The following DRC8 variants were observed in gnomAD, a reference collection of about 807,000 sequenced individuals.
The protein encoded by DRC8 is dynein regulatory complex protein 8.
chr1:244,993,209 G>A, the DRC8 span, among the ~76,000 whole-genome samples: 112,158 of 152,112 alleles, frequency 0.74, 42,762 homozygotes, highest in East Asian at 1. Context: ...TGGTGACTGC[G>A]CAGTGGTATA....
At chr1:245,012,307 A>AGAC in the DRC8 span, among the ~76,000 whole-genome samples, 29 of 151,944 alleles carry the variant, frequency 1.9e-4, no homozygotes, top group African/African-American at 6.8e-4. Flanking sequence ...TATTGGTAAA[A>AGAC]GACTAGTGTT....
At chr1:245,019,711 G>A in the DRC8 span, among the ~76,000 whole-genome samples, 1 of 152,136 alleles carries the variant, frequency 6.6e-6, no homozygotes, top group Non-Finnish European at 1.5e-5. Flanking sequence ...GGGAGGCCAA[G>A]GTGGGTGGCT....
chr1:244,972,809 C>T, the DRC8 span, among the ~76,000 whole-genome samples: 3,511 of 149,548 alleles, frequency 0.023, 72 homozygotes, highest in Non-Finnish European at 0.032. Flanking sequence ...GAGTAAGACT[C>T]CGTCTCAAAA....
chr1:244,977,159 A>C, the DRC8 span, among the ~76,000 whole-genome samples: 1 of 152,178 alleles, frequency 6.6e-6, no homozygotes, highest in Non-Finnish European at 1.5e-5. Flanking sequence ...AAGTTGTTTA[A>C]GGAGTGTAGA....
the DRC8 span, among the ~76,000 whole-genome samples, chr1:245,053,962 C>T: frequency 6.6e-6 from 1 of 152,150 alleles, no homozygotes; most frequent in Non-Finnish European, 1.5e-5. Context: ...AAGGCCCTCC[C>T]ACCCTCTCAG....
the DRC8 span, among the ~76,000 whole-genome samples, chr1:244,984,176 T>C: frequency 6.6e-6 from 1 of 152,140 alleles, no homozygotes; most frequent in Non-Finnish European, 1.5e-5. Flanking sequence ...TGGGTCTTCC[T>C]AGTTACAGAG....
the DRC8 span, chr1:245,087,433 T>C: frequency 3.3e-6 from 5 of 1,494,772 alleles, no homozygotes; most frequent in Admixed American, 1.1e-4. Flanking sequence ...TCACATCTTA[T>C]CTTAGGATTC....
At chr1:245,110,714 T>C in the DRC8 span, among the ~76,000 whole-genome samples, 1 of 152,270 alleles carries the variant, frequency 6.6e-6, no homozygotes, top group Non-Finnish European at 1.5e-5. Context: ...TTGAAAGCTC[T>C]TCAGGCTCTG....
chr1:245,063,942 C>T, the DRC8 span, among the ~76,000 whole-genome samples: 63 of 152,076 alleles, frequency 4.1e-4, no homozygotes, highest in South Asian at 8.3e-4. Context: ...AGGCTGGTCT[C>T]GAACTCCTGA....
the DRC8 span, among the ~76,000 whole-genome samples, chr1:245,086,469 A>G: frequency 1.8e-4 from 28 of 152,222 alleles, no homozygotes; most frequent in Non-Finnish European, 3.4e-4. Flanking sequence ...ACAAAGTATC[A>G]AACACACTAG....
chr1:244,981,055 C>T, the DRC8 span, among the ~76,000 whole-genome samples: 5 of 152,018 alleles, frequency 3.3e-5, no homozygotes, highest in African/African-American at 9.7e-5. Context: ...TGGTGGCAGG[C>T]GTCTGTAATC....
chr1:244,970,386 A>G, the DRC8 span: 4 of 1,535,304 alleles, frequency 2.6e-6, no homozygotes, highest in Non-Finnish European at 2.6e-6. Context: ...GGTTATCGTT[A>G]GGCATCTCCC....
chr1:245,054,816 C>G, the DRC8 span, among the ~76,000 whole-genome samples: 1 of 152,184 alleles, frequency 6.6e-6, no homozygotes, highest in African/African-American at 2.4e-5. Flanking sequence ...GATTTTACCC[C>G]ACTTGTAAGC....
the DRC8 span, among the ~76,000 whole-genome samples, chr1:245,086,257 G>A: frequency 5.9e-5 from 9 of 152,198 alleles, no homozygotes; most frequent in African/African-American, 1.9e-4. Context: ...TAATATGTAA[G>A]ATGTAAATCT....
At chr1:245,050,445 G>T in the DRC8 span, among the ~76,000 whole-genome samples, 16 of 152,002 alleles carry the variant, frequency 1.1e-4, no homozygotes, top group Admixed American at 9.8e-4. Flanking sequence ...CTTCTCCCCA[G>T]CTCTCTCCTA....
the DRC8 span, among the ~76,000 whole-genome samples, chr1:244,975,948 G>A: frequency 2.0e-5 from 3 of 152,188 alleles, no homozygotes; most frequent in African/African-American, 7.2e-5. Context: ...TAGTGAATTA[G>A]TAAGTATTAG....
the DRC8 span, among the ~76,000 whole-genome samples, chr1:245,048,729 ATTG>A: frequency 6.6e-6 from 1 of 151,972 alleles, no homozygotes; most frequent in Non-Finnish European, 1.5e-5. Flanking sequence ...TTTTATTATT[ATTG>A]TTATTTTCAT....
chr1:245,014,087 C>G, the DRC8 span, among the ~76,000 whole-genome samples: 9 of 147,932 alleles, frequency 6.1e-5, no homozygotes, highest in Non-Finnish European at 3.0e-5. Context: ...GTAGTTAACT[C>G]TGGGTAGAAT....
At chr1:245,089,750 C>G in the DRC8 span, among the ~76,000 whole-genome samples, 2 of 152,174 alleles carry the variant, frequency 1.3e-5, no homozygotes, top group Admixed American at 1.3e-4. The surrounding 1 kb of genome is among the most constrained non-coding windows in gnomAD (Gnocchi z 4.8). Context: ...GGACAACAGG[C>G]TCGGGGAGTG....
Sources: gnomAD v4.1 joint callset for allele counts (sites outside exome capture counted in the v4.1 genomes callset) on GRCh38, gnomAD v4.1.1 for gene constraint, Gnocchi (gnomAD v3.1) non-coding constraint, MANE v1.5 for transcripts, NCBI Gene and HGNC (gene_info 2026-07-23, HGNC 2026-07-21) for gene names.